The following TJP1 variants were observed in gnomAD, a reference collection of about 807,000 sequenced individuals.
The protein encoded by TJP1 is tight junction protein ZO-1.
TJP1 carries 43 observed loss-of-function variants against 194.2 expected under a neutral mutation model. The ratio of observed to expected loss-of-function variants is 0.22; its 90% CI spans 0.17 to 0.29. The LOEUF is 0.29. Ranked by LOEUF, TJP1 falls within the 10% of genes least tolerant of loss-of-function variation. The pLI is 1.00. For missense variants in TJP1, 1,971 were observed against 2,185.7 expected (o/e 0.90, Z 1.96); for synonymous variants, 801 against 779.0 (o/e 1.03, Z -0.47).
At chr15:29,816,947 A>C (rs1355552106) in intron 1 of TJP1, among the ~76,000 whole-genome samples, 1 of 152,210 alleles carries the variant, frequency 6.6e-6, no homozygotes, top group Non-Finnish European at 1.5e-5. Context: ...AACAAAAGCT[A>C]AAATTGACAA....
rs201260294 is a variant in TJP1 at position 29,726,493 on chromosome 15, A to C, written c.2312-14T>G. 35 of 1,612,346 alleles carry C rather than the reference A, an allele frequency of 2.2e-5. No homozygotes were observed. In the African/African-American group the frequency reaches 3.6e-4, roughly 17 times the overall value. On this transcript the variant is annotated splice_polypyrimidine_tract_variant and intron_variant, in intron 17 of 27. Transcript: ENST00000614355. ...AGTTAATTGTAGCTGAAAATAAATT[A>C]ACGATGTAGTTTTATGGTTAGAGCA... is the stretch of plus-strand genomic sequence containing the variant.
chr15:29,814,541 T>C (rs544216743), intron 1 of TJP1, among the ~76,000 whole-genome samples: 1 of 152,212 alleles, frequency 6.6e-6, no homozygotes, highest in South Asian at 2.1e-4. Flanking sequence ...TGTTGTACAA[T>C]CTCCAAGATA....
chr15:29,700,846 G>C lies in TJP1; in HGVS notation c.*749C>G, dbSNP rs372410509. The C allele has an allele frequency of 6.2e-6, 1 of 161,618 alleles. No homozygotes were observed. Among genetic ancestry groups the C allele is most frequent in the Non-Finnish European group, 1.3e-5 (1 of 74,490 alleles). The allele number at this position is 161,618 out of a possible 1,614,324, so 10.0% of individuals were successfully genotyped here. A position where few individuals can be genotyped will look rare whatever the true frequency, so the allele number is the denominator to read the frequency against. The stretch of plus-strand genomic sequence containing the variant: ...GCACAACGTACTCAGTCTTTGTCAT[G>C]ATACAGTATCTAGATAATGCACAAA... On this transcript the variant is annotated 3_prime_UTR_variant, in exon 28 of 28. Transcript: ENST00000614355.
chr15:29,876,711 T>C (rs1015142267), intron 2 of TJP1, among the ~76,000 whole-genome samples: 22 of 152,138 alleles, frequency 1.4e-4, no homozygotes, highest in African/African-American at 5.3e-4. Flanking sequence ...TAGAATAGTT[T>C]CTACTAGTAT....
chr15:29,798,867 C>T (rs2048589696), intron 2 of TJP1, among the ~76,000 whole-genome samples: 1 of 152,092 alleles, frequency 6.6e-6, no homozygotes, highest in South Asian at 2.1e-4. Context: ...GGAGAAATCC[C>T]AAATGCATTA....
At chr15:29,913,279 G>C (rs932965756) in intron 2 of TJP1, among the ~76,000 whole-genome samples, 3 of 152,170 alleles carry the variant, frequency 2.0e-5, no homozygotes, top group Non-Finnish European at 2.9e-5. Flanking sequence ...AGTTAGTAAA[G>C]TGTTTAGACA....
chr15:29,875,503 C>T (rs997889720), intron 2 of TJP1, among the ~76,000 whole-genome samples: 9 of 152,130 alleles, frequency 5.9e-5, no homozygotes, highest in Non-Finnish European at 1.0e-4. Context: ...CCTAAAGATG[C>T]GGTGTTCAAA....
At chr15:29,824,980 CTAAT>C (rs2050633907), upstream of TJP1, among the ~76,000 whole-genome samples, 1 of 152,066 alleles carries the variant, frequency 6.6e-6, no homozygotes, top group Non-Finnish European at 1.5e-5. Flanking sequence ...ATTTCAGTGA[CTAAT>C]AGTATCACTT....
upstream of TJP1, among the ~76,000 whole-genome samples, chr15:29,826,437 T>C (rs77341131): frequency 0.043 from 6,501 of 152,220 alleles, 162 homozygotes; most frequent in South Asian, 0.075. Flanking sequence ...ATCTACACTT[T>C]CCTATGATTC....
chr15:29,814,990 T>C (rs1445051755), intron 1 of TJP1, among the ~76,000 whole-genome samples: 4 of 152,206 alleles, frequency 2.6e-5, no homozygotes, highest in East Asian at 1.9e-4. Flanking sequence ...GGTGTTCTCA[T>C]GATCTAAAGC....
In TJP1 at chr15:29,800,655, C is replaced by T. The variant is rs754587324; in HGVS notation, c.75G>A (p.Thr25=). 7 of 1,613,878 alleles carry T rather than the reference C, an allele frequency of 4.3e-6. No individual in the cohort carries two copies. The East Asian group carries it at 8.9e-5, about 21-fold the overall frequency. ...ETAIWEQHTV[T]LHRAPGFGFG... is the part of the protein sequence containing the mutation. ...TGCAACACAAACTTACCCTGTGAAG[C>T]GTCACTGTATGTTGTTCCCATATAG... Residue 25 remains threonine (T), a synonymous_variant, in exon 2 of 28, where the codon ACG becomes ACA. Coordinates refer to ENST00000614355, the MANE Select transcript of TJP1 (RefSeq NM_001330239.4).
rs774131555 is a variant in TJP1, at chr15:29,761,099, A to T, written c.1010+40T>A. Reference sequence around the variant, plus strand: ...AATTTCAGATACTGGTATCAAGCAAACAAAACCCCTGTATTTTTTAAAAAA... The same window carrying T: ...AATTTCAGATACTGGTATCAAGCAATCAAAACCCCTGTATTTTTTAAAAAA... On this transcript the variant is annotated intron_variant, in intron 8 of 27. Coordinates refer to ENST00000614355, the MANE Select transcript of TJP1 (RefSeq NM_001330239.4). The T allele has an allele frequency of 3.9e-6, 6 of 1,536,158 alleles. No individual in the cohort carries two copies. The South Asian group carries it at 7.7e-5, about 20-fold the overall frequency.
intron 1 of TJP1, among the ~76,000 whole-genome samples, chr15:29,958,678 TAA>T (rs1214759779): frequency 3.9e-5 from 6 of 151,934 alleles, no homozygotes. Context: ...CACACACACA[TAA>T]ACTCATATTT....
chr15:29,832,119 TC>T (rs1263491932), intron 2 of TJP1, among the ~76,000 whole-genome samples: 11 of 152,106 alleles, frequency 7.2e-5, no homozygotes. Flanking sequence ...AGTCTTTTCT[TC>T]CATCCCTTGA....
intron 1 of TJP1, among the ~76,000 whole-genome samples, chr15:29,813,675 G>A (rs535164807): frequency 7.2e-5 from 11 of 152,256 alleles, no homozygotes; most frequent in African/African-American, 2.6e-4. Flanking sequence ...AAACCTAGAA[G>A]ACAAGATACA....
intron 2 of TJP1, among the ~76,000 whole-genome samples, chr15:29,903,788 T>C (rs1244631612): frequency 6.6e-6 from 1 of 152,210 alleles, no homozygotes; most frequent in Non-Finnish European, 1.5e-5. Context: ...ATATTTGTCC[T>C]CTTTTTCTGA....
chr15:29,925,844 CAGAG>C lies in TJP1; in HGVS notation c.306+30384_306+30387del, dbSNP rs1326619629. On this transcript the variant is annotated intron_variant, in intron 2 of 28. Transcript: ENST00000356107. The stretch of plus-strand genomic sequence containing the variant: ...TGACACAAGCAGATCTTGACTGTCA[CAGAG>C]AGAAAGATAAAAAACATATTAGCTC... Among the ~76,000 whole-genome samples the C allele has an allele frequency of 2.0e-5, 3 of 152,336 alleles. No homozygotes were observed. The East Asian group carries it at 5.8e-4, about 29-fold the overall frequency.
At chr15:29,896,505 A>G (rs1295474715) in intron 2 of TJP1, among the ~76,000 whole-genome samples, 3 of 152,202 alleles carry the variant, frequency 2.0e-5, no homozygotes, top group African/African-American at 7.2e-5. Context: ...AATTTGTATC[A>G]GGAGTGGAGT....
intron 2 of TJP1, among the ~76,000 whole-genome samples, chr15:29,776,239 G>C (rs1305857437): frequency 6.6e-6 from 1 of 152,062 alleles, no homozygotes; most frequent in African/African-American, 2.4e-5. Flanking sequence ...AAATCCACTG[G>C]CATAATATAT....
Sources: gnomAD v4.1 joint callset for allele counts (sites outside exome capture counted in the v4.1 genomes callset) on GRCh38, gnomAD v4.1.1 for gene constraint, MANE v1.5 for transcripts, NCBI Gene and HGNC (gene_info 2026-07-23, HGNC 2026-07-21) for gene names.